Variants in DPP8 observed in about 807,000 individuals in gnomAD.
DPP8 encodes dipeptidyl peptidase 8.
In DPP8, 31 loss-of-function variants were observed where a neutral mutation model predicts 107.5. The observed-to-expected ratio is 0.29, with a 90% CI of 0.22 to 0.39. The LOEUF (loss-of-function observed/expected upper bound fraction) is 0.39. DPP8 is among the 10% of genes least tolerant of loss of function. The pLI, the probability that DPP8 is intolerant of heterozygous loss-of-function variation, is 1.00. For missense variants in DPP8, 842 were observed against 1,076.1 expected (o/e 0.78, Z 3.04); for synonymous variants, 381 against 356.6 (o/e 1.07, Z -0.77).
chr15:65,514,120 A>G (rs1029881256), intron 1 of DPP8, among the ~76,000 whole-genome samples: 1 of 152,268 alleles, frequency 6.6e-6, no homozygotes, highest in Non-Finnish European at 1.5e-5. Flanking sequence ...ATTGTGAATT[A>G]GTCCATTAAG....
In DPP8 at chr15:65,480,347, T is replaced by G. The variant is rs1025680163; in HGVS notation, c.1171A>C (p.Ile391Leu). The G allele has an allele frequency of 1.2e-5, 19 of 1,613,608 alleles. No homozygotes were observed. Among genetic ancestry groups the G allele is most frequent in the Non-Finnish European group, 1.6e-5 (19 of 1,179,868 alleles). Reference protein sequence around the residue: ...RSQTRLQIVLISPELFIPVED... With the variant: ...RSQTRLQIVLLSPELFIPVED... Reference sequence around the variant, plus strand: ...ACTGGGATAAATAATTCAGGTGAGATCAACACTATCTGTAGGCGAGTCTGG... The same window carrying G: ...ACTGGGATAAATAATTCAGGTGAGAGCAACACTATCTGTAGGCGAGTCTGG... The change falls in exon 10 of 20, where the codon ATC becomes CTC. Residue 391 changes from isoleucine (I) to leucine (L), a missense_variant. Coordinates refer to ENST00000300141, the MANE Select transcript of DPP8 (RefSeq NM_130434.5).
chr15:65,483,264 C>G (rs1468734761), intron 8 of DPP8, among the ~76,000 whole-genome samples: 1 of 152,050 alleles, frequency 6.6e-6, no homozygotes, highest in Non-Finnish European at 1.5e-5. Context: ...GTGGCTCACA[C>G]CTGTAATCCC....
In DPP8 at chr15:65,511,525, G is replaced by T. The variant is rs916912077; in HGVS notation, c.259+770C>A. ...CAAAACATTAGCTGGCTGTGGTGGC[G>T]TGCACCTGTAGTCCCAGCTTGGGAG... On this transcript the variant is annotated intron_variant, in intron 2 of 19. Transcript: ENST00000300141. Among the ~76,000 whole-genome samples, 5 of 150,838 alleles carry T rather than the reference G, an allele frequency of 3.3e-5. No homozygotes were observed. The Admixed American group carries it at 3.3e-4, about 10-fold the overall frequency.
At chr15:65,461,903 G>GT (rs879538765) in intron 15 of DPP8, among the ~76,000 whole-genome samples, 1,459 of 136,606 alleles carry the variant, frequency 0.011, 14 homozygotes, top group Middle Eastern at 0.022. Flanking sequence ...ACAGCCGACC[G>GT]TTTTTTTTTT....
intron 11 of DPP8, among the ~76,000 whole-genome samples, chr15:65,477,582 T>C (rs2066511340): frequency 6.7e-6 from 1 of 148,488 alleles, no homozygotes; most frequent in Non-Finnish European, 1.5e-5. Context: ...CACACTGGAG[T>C]GCAGTGGCGC....
chr15:65,499,116 T>C (rs1416824119), intron 4 of DPP8, among the ~76,000 whole-genome samples: 1 of 150,764 alleles, frequency 6.6e-6, no homozygotes, highest in African/African-American at 2.4e-5. Flanking sequence ...TATATATAAA[T>C]TTATTAAGAT....
intron 11 of DPP8, among the ~76,000 whole-genome samples, chr15:65,476,813 C>A (rs949492797): frequency 6.6e-6 from 1 of 152,072 alleles, no homozygotes; most frequent in African/African-American, 2.4e-5. Context: ...AACAGATGAA[C>A]AGATAAACAA....
At chr15:65,489,102 A>C (rs1346074859) in intron 6 of DPP8, among the ~76,000 whole-genome samples, 1 of 152,144 alleles carries the variant, frequency 6.6e-6, no homozygotes, top group African/African-American at 2.4e-5. Flanking sequence ...CTGGGACTAC[A>C]GGTGCATACC....
At chr15:65,504,979 C>T (rs928851237) in intron 3 of DPP8, among the ~76,000 whole-genome samples, 3 of 151,846 alleles carry the variant, frequency 2.0e-5, no homozygotes, top group Admixed American at 6.6e-5. Flanking sequence ...GAGATGCTGT[C>T]TCAATTAAAA....
At chr15:65,504,346 A>G in intron 3 of DPP8, among the ~76,000 whole-genome samples, 1 of 142,960 alleles carries the variant, frequency 7.0e-6, no homozygotes, top group Non-Finnish European at 1.5e-5. Flanking sequence ...CTGGGCAACA[A>G]GAGTGAAACT....
Position 65,457,771 on chromosome 15 carries a change from G to A in DPP8, c.1972-1400C>T, listed in dbSNP as rs190521930. Among the ~76,000 whole-genome samples, 263 of 152,092 alleles carry A rather than the reference G, an allele frequency of 1.7e-3. 2 individuals are homozygous for A. The highest frequency in any genetic ancestry group is 9.3e-3 in the East Asian group (48 of 5,144). Reference sequence around the variant, plus strand: ...CCCATTTCTACCTTGGGAAGAGGGCGTTTGGTGAGTAAAGGCACTTGTATT... The same window carrying A: ...CCCATTTCTACCTTGGGAAGAGGGCATTTGGTGAGTAAAGGCACTTGTATT... On this transcript the variant is annotated intron_variant, in intron 15 of 19. Transcript: ENST00000300141.
At chr15:65,452,779 C>G (rs540929645) in intron 17 of DPP8, among the ~76,000 whole-genome samples, 48 of 152,088 alleles carry the variant, frequency 3.2e-4, no homozygotes, top group Admixed American at 1.0e-3. Context: ...TGAGACCAGC[C>G]TGGCAAACAT....
chr15:65,508,482 AT>A (rs2070349244), intron 2 of DPP8, among the ~76,000 whole-genome samples: 1 of 152,096 alleles, frequency 6.6e-6, no homozygotes, highest in African/African-American at 2.4e-5. Flanking sequence ...CATATAAAAG[AT>A]TGACAGAAAC....
intron 19 of DPP8, among the ~76,000 whole-genome samples, chr15:65,448,726 AAT>A (rs2063676015): frequency 2.4e-5 from 3 of 127,452 alleles, no homozygotes; most frequent in African/African-American, 1.0e-4. Context: ...ATATATATAA[AAT>A]ATACATATAT....
intron 4 of DPP8, among the ~76,000 whole-genome samples, chr15:65,500,099 T>C (rs1216543478): frequency 6.6e-6 from 1 of 151,920 alleles, no homozygotes; most frequent in Non-Finnish European, 1.5e-5. Context: ...ACAGGGTCTC[T>C]CTCTGTTGCC....
At chr15:65,447,906 T>C (rs184945528) in intron 19 of DPP8, among the ~76,000 whole-genome samples, 38 of 152,250 alleles carry the variant, frequency 2.5e-4, no homozygotes, top group Admixed American at 2.5e-3. Context: ...GTAATATTAT[T>C]ATATGTGATT....
intron 8 of DPP8, among the ~76,000 whole-genome samples, chr15:65,482,384 T>C (rs1418446473): frequency 1.3e-5 from 2 of 151,782 alleles, no homozygotes; most frequent in East Asian, 1.9e-4. Context: ...CGGGTTTAAG[T>C]GATTCTCCTG....
intron 6 of DPP8, among the ~76,000 whole-genome samples, chr15:65,489,498 C>A (rs1405901025): frequency 2.2e-5 from 3 of 139,278 alleles, no homozygotes; most frequent in Non-Finnish European, 4.5e-5. Context: ...ATTGCAAGCT[C>A]CACCTCCCAG....
intron 4 of DPP8, among the ~76,000 whole-genome samples, chr15:65,498,500 G>T (rs2068832972): frequency 6.6e-6 from 1 of 151,672 alleles, no homozygotes; most frequent in African/African-American, 2.4e-5. Context: ...TACCAGAAAG[G>T]AATTTTTTTT....
Sources: gnomAD v4.1 joint callset for allele counts (sites outside exome capture counted in the v4.1 genomes callset) on GRCh38, gnomAD v4.1.1 for gene constraint, MANE v1.5 for transcripts, NCBI Gene and HGNC (gene_info 2026-07-23, HGNC 2026-07-21) for gene names.